MCTP2: variants seen among roughly 807,000 people sequenced by gnomAD.
The protein encoded by MCTP2 is multiple C2 and transmembrane domain-containing protein 2.
In MCTP2, 132 loss-of-function variants were observed where a neutral mutation model predicts 111.6. That is an observed-to-expected ratio of 1.18 (90% CI 1.03 to 1.37). The LOEUF (loss-of-function observed/expected upper bound fraction) is 1.37. Ranked by LOEUF, MCTP2 falls within the 40% of genes most tolerant of loss-of-function variation. The pLI, the probability that MCTP2 is intolerant of heterozygous loss-of-function variation, is 0.00. For synonymous variants in MCTP2, 395 were observed against 387.7 expected (o/e 1.02, Z -0.22); for missense variants, 1,183 against 1,067.9 (o/e 1.11, Z -1.50).
At chr15:94,382,683 G>C (rs2152454140) in intron 12 of MCTP2, among the ~76,000 whole-genome samples, 1 of 152,364 alleles carries the variant, frequency 6.6e-6, no homozygotes, top group East Asian at 1.9e-4. Flanking sequence ...CGAATGGTAG[G>C]CCAGCAGGTC....
chr15:94,275,844 ATTTTTTT>A (rs35006187), intron 1 of MCTP2, among the ~76,000 whole-genome samples: 3 of 131,540 alleles, frequency 2.3e-5, no homozygotes, highest in African/African-American at 5.7e-5. Context: ...TTTTATAAGC[ATTTTTTT>A]TTTTTTTTTT....
chr15:94,301,539 G>C (rs1175914247), intron 2 of MCTP2, among the ~76,000 whole-genome samples: 3 of 152,212 alleles, frequency 2.0e-5, no homozygotes, highest in Non-Finnish European at 4.4e-5. Context: ...AGACACCTTT[G>C]TCTTTGTTTT....
chr15:94,298,485 TC>T lies in MCTP2; in HGVS notation c.222del (p.Tyr75ThrfsTer22), dbSNP rs1316501782. The T allele has an allele frequency of 6.2e-7, 1 of 1,613,970 alleles. No homozygotes were observed. The highest frequency in any genetic ancestry group is 1.7e-5 in the Admixed American group (1 of 60,006). ...EGRPYSGPQS[S>X]YTSVPSSLST... ...CCGGCCTTACTCCGGGCCACAGTCTTCCTACACCTCGGTGCCCAGCAGTCTG... is the reference window on the plus strand; with the variant it reads ...CCGGCCTTACTCCGGGCCACAGTCTTCTACACCTCGGTGCCCAGCAGTCTG... On this transcript the variant is annotated frameshift_variant, in exon 2 of 23. Transcript: ENST00000357742. LOFTEE classifies it high-confidence loss of function.
At chr15:94,458,056 TATAAC>T (rs2084946771) in intron 19 of MCTP2, 76 bp from the exon 20 acceptor site, 2 of 779,622 alleles carry the variant, frequency 2.6e-6, no homozygotes, top group South Asian at 1.6e-5. Context: ...ACCTTGTTAT[TATAAC>T]ATGTTATAAT....
intron 5 of MCTP2, 127 bp from the exon 6 acceptor site, chr15:94,340,072 A>G (rs1285207613): frequency 4.4e-6 from 3 of 681,934 alleles, no homozygotes; most frequent in African/African-American, 3.6e-5. Context: ...TAACTATACT[A>G]TGCAAAGTAT....
intron 1 of MCTP2, chr15:94,293,056 A>G (rs1201630415): frequency 6.6e-6 from 1 of 152,138 alleles, no homozygotes; most frequent in Non-Finnish European, 1.5e-5. Flanking sequence ...ACACTATACA[A>G]AAGTTAAATA....
At chr15:94,434,799 T>C (rs2083377578) in intron 17 of MCTP2, among the ~76,000 whole-genome samples, 1 of 152,208 alleles carries the variant, frequency 6.6e-6, no homozygotes, top group Non-Finnish European at 1.5e-5. Context: ...GTGTGTTATT[T>C]GCTAAAATTG....
chr15:94,383,201 G>C (rs567129212), intron 12 of MCTP2, among the ~76,000 whole-genome samples: 1 of 152,292 alleles, frequency 6.6e-6, no homozygotes, highest in East Asian at 1.9e-4. Flanking sequence ...CAGGAGCAGA[G>C]CTTAACTCCT....
At chr15:94,310,269 A>T (rs1596324109) in intron 2 of MCTP2, among the ~76,000 whole-genome samples, 1 of 152,324 alleles carries the variant, frequency 6.6e-6, no homozygotes, top group East Asian at 1.9e-4. Context: ...ATAAAACTAT[A>T]TGATGAAAAT....
intron 17 of MCTP2, among the ~76,000 whole-genome samples, chr15:94,435,626 A>ATTCTTTTTTTTTTTTTTTTTT (rs2083427045): frequency 7.6e-6 from 1 of 132,256 alleles, no homozygotes; most frequent in Admixed American, 7.4e-5. Context: ...TACTTTTTTT[A>ATTCTTTTTTTTTTTTTTTTTT]TTCTTTTTTT....
chr15:94,245,105 T>C (rs549736060), intron 1 of MCTP2, among the ~76,000 whole-genome samples: 2 of 149,742 alleles, frequency 1.3e-5, no homozygotes, highest in Non-Finnish European at 3.0e-5. Context: ...TGTACCTATG[T>C]TTATATATGT....
chr15:94,336,208 T>C (rs2077352117), intron 4 of MCTP2, among the ~76,000 whole-genome samples: 1 of 152,194 alleles, frequency 6.6e-6, no homozygotes, highest in African/African-American at 2.4e-5. Context: ...CCTTCGCTGT[T>C]GGAGCACATG....
chr15:94,253,588 A>T lies in MCTP2; in HGVS notation c.-66+21924A>T, dbSNP rs192359163. 2.2e-4 allele frequency among the ~76,000 whole-genome samples: 33 copies of T among 152,258 alleles called. 1 individual carries two copies. In the East Asian group the frequency reaches 5.2e-3, roughly 24 times the overall value. On this transcript the variant is annotated intron_variant, in intron 1 of 22. Transcript: ENST00000357742. ...ATTCTTAACACCTCCTAGATCACAC[A>T]ACACTGTTGGAATTGCTTTGCTATC...
At chr15:94,459,931 AAAGT>A (rs1203839817) in intron 20 of MCTP2, among the ~76,000 whole-genome samples, 7 of 152,210 alleles carry the variant, frequency 4.6e-5, no homozygotes, top group Admixed American at 1.3e-4. Flanking sequence ...ACCACCCTAT[AAAGT>A]AAGGATTGTT....
intron 1 of MCTP2, among the ~76,000 whole-genome samples, chr15:94,288,801 A>G: frequency 6.6e-6 from 1 of 152,212 alleles, no homozygotes; most frequent in East Asian, 1.9e-4. Flanking sequence ...ATAAGCGAGG[A>G]AAGATGTGAA....
At chr15:94,365,178 T>C (rs888859144) in intron 10 of MCTP2, among the ~76,000 whole-genome samples, 1 of 152,214 alleles carries the variant, frequency 6.6e-6, no homozygotes, top group Non-Finnish European at 1.5e-5. Flanking sequence ...GATGCTAATA[T>C]ATCAGTTTAA....
intron 2 of MCTP2, among the ~76,000 whole-genome samples, chr15:94,312,493 G>A (rs1452045729): frequency 6.6e-6 from 1 of 152,202 alleles, no homozygotes; most frequent in Non-Finnish European, 1.5e-5. Context: ...TTCCTGCCTA[G>A]GCAGTGGTGG....
At chr15:94,291,036 A>G (rs2075006568) in intron 1 of MCTP2, among the ~76,000 whole-genome samples, 2 of 152,248 alleles carry the variant, frequency 1.3e-5, no homozygotes, top group Non-Finnish European at 2.9e-5. Flanking sequence ...AATCTAATGG[A>G]CATTTATACA....
At chr15:94,236,318 T>C (rs2070539172) in intron 1 of MCTP2, among the ~76,000 whole-genome samples, 1 of 147,950 alleles carries the variant, frequency 6.8e-6, no homozygotes, top group Non-Finnish European at 1.5e-5. Context: ...TCCTATTACA[T>C]TTTTTTTTTC....
Sources: gnomAD v4.1 joint callset for allele counts (sites outside exome capture counted in the v4.1 genomes callset) on GRCh38, gnomAD v4.1.1 for gene constraint, MANE v1.5 for transcripts, NCBI Gene and HGNC (gene_info 2026-07-23, HGNC 2026-07-21) for gene names.